The following CAT variants were observed in gnomAD, a reference collection of about 807,000 sequenced individuals.
CAT encodes the protein catalase.
Under a neutral mutation model 59.0 loss-of-function variants are expected in CAT, and 43 were observed. The observed-to-expected ratio is 0.73, with a 90% confidence interval of 0.57 to 0.94. The LOEUF is 0.94. Ranked by LOEUF, CAT falls within the 40% of genes least tolerant of loss-of-function variation. The pLI is 0.00. For synonymous variants in CAT, 218 were observed against 230.9 expected, an observed-to-expected ratio of 0.94 and a Z score of 0.51; for missense variants, 664 against 682.9, an observed-to-expected ratio of 0.97 and a Z score of 0.31.
At chr11:34,456,312 C>T (rs1856589748) in intron 7 of CAT, 110 bp downstream of exon 7, 2 of 837,364 alleles carry the variant, frequency 2.4e-6, no homozygotes, top group Non-Finnish European at 1.9e-6. Context: ...ATACAAAATA[C>T]AGAGGGTACC....
At chr11:34,450,742 C>T (rs1044307995) in intron 2 of CAT, among the ~76,000 whole-genome samples, 4 of 152,224 alleles carry the variant, frequency 2.6e-5, no homozygotes, top group Non-Finnish European at 5.9e-5. Context: ...CGACTTCTAG[C>T]CTCACTCACC....
At position 34,464,215 on chromosome 11, in the gene CAT, A is replaced by G. The variant is rs749574305; in HGVS notation, c.1306A>G (p.Asn436Asp). 2 of 1,614,012 alleles carry G rather than the reference A, an allele frequency of 1.2e-6. No homozygotes were observed. The highest frequency in any genetic ancestry group is 1.7e-6 in the Non-Finnish European group (2 of 1,179,976). Residue 436 changes from asparagine (N) to aspartate (D), a missense_variant, in exon 10 of 13, where the codon AAT (asparagine) becomes GAT (aspartate). Physicochemically the swap from Asn to Asp is conservative, Grantham distance 23. Transcript: ENST00000241052. ...AGAAGTGCGGAGATTCAACACTGCC[A>G]ATGATGATAACGTTACTCAGGTAAT... ...SGEVRRFNTA[N>D]DDNVTQVRAF...
At position 34,456,732 on chromosome 11, in the gene CAT, A is replaced by G. The variant is rs781624442; in HGVS notation, c.971A>G (p.Asn324Ser). Residue 324 changes from asparagine to serine, a missense_variant, in exon 8 of 13, where the codon AAT becomes AGT. Coordinates refer to ENST00000241052, the MANE Select transcript of CAT (RefSeq NM_001752.4). The stretch of plus-strand genomic sequence containing the variant: ...CTGGTCTTAAACCGGAATCCAGTTA[A>G]TTACTTTGCTGAGGTTGAACAGATA... ...GKLVLNRNPVNYFAEVEQIAF... is the reference protein window; with the variant it reads ...GKLVLNRNPVSYFAEVEQIAF... 1.2e-6 allele frequency: 2 copies of G among 1,614,164 alleles called. No individual in the cohort carries two copies. The highest frequency in any genetic ancestry group is 1.6e-4 in the Middle Eastern group (1 of 6,062).
intron 2 of CAT, 138 bp from the exon 3 acceptor site, chr11:34,450,850 C>T (rs973240502): frequency 1.3e-6 from 1 of 764,158 alleles, no homozygotes; most frequent in Admixed American, 1.7e-5. Context: ...TTGGGCATTT[C>T]CCCTTCCTCC....
At chr11:34,460,348 A>T (rs925369692) in intron 8 of CAT, among the ~76,000 whole-genome samples, 1 of 152,022 alleles carries the variant, frequency 6.6e-6, no homozygotes. Context: ...TTTCATTTTG[A>T]ACCACAGATT....
intron 8 of CAT, 57 bp from the exon 9 acceptor site, chr11:34,461,194 A>C: frequency 6.3e-7 from 1 of 1,580,644 alleles, no homozygotes; most frequent in Non-Finnish European, 8.7e-7. Context: ...TTTACAGCCC[A>C]TTCCTATGTT....
chr11:34,467,540 C>G (rs1403799337), intron 10 of CAT, among the ~76,000 whole-genome samples: 3 of 152,158 alleles, frequency 2.0e-5, no homozygotes, highest in South Asian at 2.1e-4. Context: ...ACTTCATAAA[C>G]ATTAATAGAA....
chr11:34,459,427 G>T lies in CAT; in HGVS notation c.1057-1824G>T, dbSNP rs181832265. Among the ~76,000 whole-genome samples, 5 of 152,294 alleles carry T rather than the reference G, an allele frequency of 3.3e-5. No homozygotes were observed. The East Asian group carries it at 9.7e-4, about 29-fold the overall frequency. Reference sequence around the variant, plus strand: ...TTTATAACTTTATCCAAAGTGGTGAGCCACACCATGGTGAAATGGACAAAT... The same window carrying T: ...TTTATAACTTTATCCAAAGTGGTGATCCACACCATGGTGAAATGGACAAAT... On this transcript the variant is annotated intron_variant, in intron 8 of 12. Transcript: ENST00000241052.
intron 11 of CAT, among the ~76,000 whole-genome samples, chr11:34,469,754 C>G (rs1309182525): frequency 6.6e-6 from 1 of 151,938 alleles, no homozygotes; most frequent in Non-Finnish European, 1.5e-5. Context: ...CAACCTCTGC[C>G]TCCTGGGTTC....
intron 1 of CAT, among the ~76,000 whole-genome samples, chr11:34,441,123 T>TA (rs1198801622): frequency 6.6e-6 from 1 of 152,238 alleles, no homozygotes; most frequent in Non-Finnish European, 1.5e-5. Context: ...CTGCTCTTAG[T>TA]AAAAACCGCT....
At chr11:34,452,240 G>A in intron 4 of CAT, 33 bp downstream of exon 4, 2 of 1,600,094 alleles carry the variant, frequency 1.2e-6, no homozygotes, top group Non-Finnish European at 1.7e-6. Context: ...CTCAACAAAT[G>A]TTTGTTGACT....
chr11:34,450,627 C>T (rs1403919736), intron 2 of CAT, among the ~76,000 whole-genome samples: 1 of 152,146 alleles, frequency 6.6e-6, no homozygotes, highest in East Asian at 1.9e-4. Context: ...AAGATTCTTT[C>T]TCTTATGTTT....
rs1299638512 is a variant in CAT, at chr11:34,464,138, G to A, written c.1229G>A (p.Gly410Asp). 5 of 1,614,126 alleles carry A rather than the reference G, an allele frequency of 3.1e-6. No individual in the cohort carries two copies. The highest frequency in any genetic ancestry group is 4.2e-6 in the Non-Finnish European group (5 of 1,180,022). ...GAPNYYPNSF[G>D]APEQQPSALE... ...CCAAATTACTACCCCAACAGCTTTGGTGCTCCGGAACAACAGCCTTCTGCC... is the reference window on the plus strand; with the variant it reads ...CCAAATTACTACCCCAACAGCTTTGATGCTCCGGAACAACAGCCTTCTGCC... Residue 410 changes from glycine (G) to aspartate (D), a missense_variant, in exon 10 of 13, where the codon GGT becomes GAT. Physicochemically the swap from Gly to Asp is moderately conservative, Grantham distance 94 (BLOSUM62 -1). Transcript: ENST00000241052.
chr11:34,443,313 C>T (rs1229250122), intron 1 of CAT, among the ~76,000 whole-genome samples: 2 of 152,218 alleles, frequency 1.3e-5, no homozygotes, highest in Non-Finnish European at 2.9e-5. Context: ...GGCGTATCTT[C>T]TGTGGTCAGA....
chr11:34,472,049 T>G lies in CAT; in HGVS notation c.*616T>G, dbSNP rs1856779410. The G allele has an allele frequency of 6.5e-6, 1 of 154,628 alleles. No homozygotes were observed. Among genetic ancestry groups the G allele is most frequent in the South Asian group, 2.0e-4 (1 of 5,116 alleles). The allele number at this position is 154,628 out of a possible 1,614,324, so 9.6% of individuals were successfully genotyped here. A position where few individuals can be genotyped will look rare whatever the true frequency, so the allele number is the denominator to read the frequency against. ...TTACATTTTTACAATAAATAATCTG[T>G]ACGTAAGAACAGAGATGGTATTTTC... On this transcript the variant is annotated 3_prime_UTR_variant, in exon 13 of 13. Transcript: ENST00000241052.
intron 8 of CAT, among the ~76,000 whole-genome samples, chr11:34,459,599 C>G (rs145332150): frequency 1.3e-5 from 2 of 152,116 alleles, no homozygotes; most frequent in African/African-American, 2.4e-5. Flanking sequence ...TTCCCACTCA[C>G]GCAGGTCCAG....
Position 34,471,650 on chromosome 11 carries a change from T to G in CAT, c.*217T>G, listed in dbSNP as rs1284538464. On this transcript the variant is annotated 3_prime_UTR_variant, in exon 13 of 13. Transcript: ENST00000241052. ...TTTAACAGTCATTTAAAAAAAAAAT[T>G]TGTTTTGACGGATGATTGGATTATT... The G allele has an allele frequency of 3.0e-5, 17 of 564,338 alleles. No homozygotes were observed. In the East Asian group the frequency reaches 4.8e-4, roughly 16 times the overall value. The allele number at this position is 564,338 out of a possible 1,614,324, so 35.0% of individuals were successfully genotyped here. A position where few individuals can be genotyped will look rare whatever the true frequency, so the allele number is the denominator to read the frequency against.
chr11:34,467,184 G>A (rs965629078), intron 10 of CAT, among the ~76,000 whole-genome samples: 1 of 152,112 alleles, frequency 6.6e-6, no homozygotes, highest in Non-Finnish European at 1.5e-5. Flanking sequence ...AGAAAAACAG[G>A]TAGATTTGAA....
intron 1 of CAT, among the ~76,000 whole-genome samples, 176 bp downstream of exon 1, chr11:34,439,255 G>C (rs961226473): frequency 6.6e-6 from 1 of 152,174 alleles, no homozygotes; most frequent in African/African-American, 2.4e-5. Context: ...AGCAGGGGAG[G>C]GGGGTCCGGG....
Sources: allele counts gnomAD v4.1 joint callset (sites outside exome capture counted in the v4.1 genomes callset), GRCh38; gene constraint gnomAD v4.1.1; transcripts MANE v1.5; gene names NCBI Gene and HGNC (gene_info 2026-07-23, HGNC 2026-07-21).